LIX1: variants seen among roughly 807,000 people sequenced by gnomAD.
LIX1 encodes the protein protein limb expression 1 homolog.
A neutral mutation model predicts 33.4 loss-of-function variants in LIX1; 24 were observed. The ratio of observed to expected loss-of-function variants is 0.72; its 90% confidence interval spans 0.52 to 1.01. The LOEUF (loss-of-function observed/expected upper bound fraction) is 1.01. LIX1 is among the 50% of genes least tolerant of loss of function. LIX1 has a pLI of 0.00. For missense variants in LIX1, 311 were observed against 339.2 expected (o/e 0.92, Z 0.65); for synonymous variants, 124 against 124.0 (o/e 1.00, Z 0.00).
rs142794370 is a variant in LIX1, at chr5:97,134,043, C to A, written c.82+8452G>T. On this transcript the variant is annotated intron_variant, in intron 1 of 5. Coordinates refer to ENST00000274382, the MANE Select transcript of LIX1 (RefSeq NM_153234.5). The stretch of plus-strand genomic sequence containing the variant: ...GAAATATTCTAGCTGGGTAGAATTT[C>A]TCTTGTCGAAAACAAAGACAAATTG... Among the ~76,000 whole-genome samples, 556 of 152,274 alleles carry A rather than the reference C, an allele frequency of 3.7e-3. 2 individuals carry two copies. The highest frequency in any genetic ancestry group is 0.013 in the African/African-American group (536 of 41,552).
chr5:97,108,128 C>T (rs1747164217), intron 2 of LIX1, among the ~76,000 whole-genome samples: 1 of 152,212 alleles, frequency 6.6e-6, no homozygotes, highest in Non-Finnish European at 1.5e-5. Context: ...AACAGGCCAG[C>T]CAGACATTTT....
rs1040823951 is a variant in LIX1, at chr5:97,094,588, T to G, written c.*160A>C. The G allele has an allele frequency of 1.6e-6, 1 of 634,586 alleles. No homozygotes were observed. The allele number at this position is 634,586 out of a possible 1,614,324, so 39.3% of individuals were successfully genotyped here. A position where few individuals can be genotyped will look rare whatever the true frequency, so the allele number is the denominator to read the frequency against. On this transcript the variant is annotated 3_prime_UTR_variant, in exon 6 of 6. Coordinates refer to ENST00000274382, the MANE Select transcript of LIX1 (RefSeq NM_153234.5). The stretch of plus-strand genomic sequence containing the variant: ...AGTGGCTTGTTGGGTCTTGTAAGGG[T>G]CCTACGACTCTCATACTCTGTAAAT...
intron 1 of LIX1, among the ~76,000 whole-genome samples, chr5:97,132,632 A>T (rs2112796461): frequency 6.6e-6 from 1 of 152,302 alleles, no homozygotes; most frequent in East Asian, 1.9e-4. Flanking sequence ...CATTGCCCTG[A>T]TGTCCCAGCT....
intron 1 of LIX1, among the ~76,000 whole-genome samples, chr5:97,130,819 T>A (rs1748039950): frequency 6.6e-6 from 1 of 152,194 alleles, no homozygotes. Flanking sequence ...CTGAAATGAC[T>A]TTGCAGATCG....
At chr5:97,124,385 G>T in intron 2 of LIX1, 81 bp downstream of exon 2, 1 of 1,219,778 alleles carries the variant, frequency 8.2e-7, no homozygotes, top group Non-Finnish European at 1.1e-6. Flanking sequence ...AAGAAAATTT[G>T]TAATGTTACC....
At chr5:97,104,720 T>C (rs1400738445) in intron 4 of LIX1, among the ~76,000 whole-genome samples, 10 of 152,224 alleles carry the variant, frequency 6.6e-5, no homozygotes, top group Non-Finnish European at 1.5e-5. Context: ...ATTGTTAATT[T>C]TTTTGATTTC....
intron 1 of LIX1, among the ~76,000 whole-genome samples, chr5:97,125,714 T>G (rs993992743): frequency 3.9e-5 from 6 of 152,216 alleles, no homozygotes; most frequent in Non-Finnish European, 8.8e-5. Flanking sequence ...TTGTTTTGCT[T>G]GCCTGGCATT....
At position 97,141,935 on chromosome 5, in the gene LIX1, C is replaced by G. The variant is rs564013122; in HGVS notation, c.82+560G>C. On this transcript the variant is annotated intron_variant, in intron 1 of 5. Coordinates refer to ENST00000274382, the MANE Select transcript of LIX1 (RefSeq NM_153234.5). ...ATTGGTGATGGTGGTAGGGGGTCCA[C>G]ACAGGGAGTGTTGCTGAGGTTAGGA... is the stretch of plus-strand genomic sequence containing the variant. 1.6e-4 allele frequency among the ~76,000 whole-genome samples: 25 copies of G among 152,268 alleles called. No homozygotes were observed. In the Middle Eastern group the frequency reaches 0.01, roughly 62 times the overall value.
At chr5:97,110,017 C>T (rs78740731) in intron 2 of LIX1, among the ~76,000 whole-genome samples, 1,686 of 152,310 alleles carry the variant, frequency 0.011, 25 homozygotes, top group African/African-American at 0.039. Context: ...CATATTTTTG[C>T]AATTGCAAAT....
At position 97,110,628 on chromosome 5, in the gene LIX1, G is replaced by C. The variant is rs549987717; in HGVS notation, c.247-3128C>G. Among the ~76,000 whole-genome samples the C allele has an allele frequency of 4.6e-5, 7 of 152,122 alleles. No individual in the cohort carries two copies. The South Asian group carries it at 1.3e-3, about 27-fold the overall frequency. Reference sequence around the variant, plus strand: ...CCTGGCTGATTTTGTATGTTTAGTAGAGATGGGGTTTCTCCATGTTGGTCA... The same window carrying C: ...CCTGGCTGATTTTGTATGTTTAGTACAGATGGGGTTTCTCCATGTTGGTCA... On this transcript the variant is annotated intron_variant, in intron 2 of 5. Coordinates refer to ENST00000274382, the MANE Select transcript of LIX1 (RefSeq NM_153234.5).
chr5:97,094,606 C>G lies in LIX1; in HGVS notation c.*142G>C. 1.4e-6 allele frequency: 1 copy of G among 723,202 alleles called. No homozygotes were observed. The highest frequency in any genetic ancestry group is 4.0e-4 in the Middle Eastern group (1 of 2,516). 44.8% of individuals were successfully genotyped at this position (723,202 alleles called of 1,614,324 possible). On this transcript the variant is annotated 3_prime_UTR_variant, in exon 6 of 6. Coordinates refer to ENST00000274382, the MANE Select transcript of LIX1 (RefSeq NM_153234.5). Reference sequence around the variant, plus strand: ...GTAAGGGTCCTACGACTCTCATACTCTGTAAATGGAATGTGTGGAGAGGGT... The same window carrying G: ...GTAAGGGTCCTACGACTCTCATACTGTGTAAATGGAATGTGTGGAGAGGGT...
At chr5:97,138,915 G>A (rs1305311136) in intron 1 of LIX1, among the ~76,000 whole-genome samples, 3 of 152,128 alleles carry the variant, frequency 2.0e-5, no homozygotes, top group East Asian at 1.9e-4. Flanking sequence ...CAGATTTGGG[G>A]TGCTAAAGTA....
chr5:97,107,221 A>G, intron 3 of LIX1, 139 bp downstream of exon 3: 1 of 821,100 alleles, frequency 1.2e-6, no homozygotes, highest in East Asian at 2.6e-5. Flanking sequence ...TGTTTTCTGA[A>G]AATTAACAAT....
chr5:97,100,705 A>C (rs1746648359), intron 4 of LIX1, among the ~76,000 whole-genome samples: 1 of 152,020 alleles, frequency 6.6e-6, no homozygotes, highest in Non-Finnish European at 1.5e-5. Context: ...AGTTCTGCTT[A>C]CTAGTTTCCC....
At chr5:97,134,450 G>C (rs1158035126) in intron 1 of LIX1, among the ~76,000 whole-genome samples, 1 of 152,128 alleles carries the variant, frequency 6.6e-6, no homozygotes, top group Admixed American at 6.6e-5. Context: ...ATCTACCTCT[G>C]AACAGATGGA....
intron 1 of LIX1, among the ~76,000 whole-genome samples, chr5:97,130,690 G>A (rs907269687): frequency 1.3e-5 from 2 of 152,184 alleles, no homozygotes; most frequent in Non-Finnish European, 2.9e-5. Context: ...GGCAAGGGAC[G>A]TAAGAAGTAG....
At chr5:97,136,040 C>A (rs1289408655) in intron 1 of LIX1, among the ~76,000 whole-genome samples, 1 of 152,156 alleles carries the variant, frequency 6.6e-6, no homozygotes, top group Non-Finnish European at 1.5e-5. Flanking sequence ...AGCTATCTAA[C>A]CAGGGTTTAT....
intron 3 of LIX1, among the ~76,000 whole-genome samples, chr5:97,105,579 C>T (rs980376217): frequency 3.9e-5 from 6 of 152,188 alleles, no homozygotes; most frequent in Non-Finnish European, 8.8e-5. Context: ...TGGCTGAGCT[C>T]CGAAACTGCC....
intron 3 of LIX1, among the ~76,000 whole-genome samples, chr5:97,106,389 G>A (rs1196347462): frequency 6.6e-6 from 1 of 152,164 alleles, no homozygotes; most frequent in Non-Finnish European, 1.5e-5. Context: ...TCCTTTATGT[G>A]ATAAGAAGAT....
Sources: allele counts gnomAD v4.1 joint callset (sites outside exome capture counted in the v4.1 genomes callset), GRCh38; gene constraint gnomAD v4.1.1; transcripts MANE v1.5; gene names NCBI Gene and HGNC (gene_info 2026-07-23, HGNC 2026-07-21).